SLC22A2: variants seen among roughly 807,000 people sequenced by gnomAD.
SLC22A2 encodes the protein organic cation transporter 2.
A neutral mutation model predicts 60.5 loss-of-function variants in SLC22A2; 46 were observed. The ratio of observed to expected loss-of-function variants is 0.76; its 90% confidence interval spans 0.60 to 0.97. The LOEUF is 0.97. Among genes scored for constraint, SLC22A2 ranks in the 50% least tolerant of loss-of-function variants. The pLI is 0.00. For synonymous variants in SLC22A2, 303 were observed against 267.0 expected, an observed-to-expected ratio of 1.13 and a Z score of -1.31; for missense variants, 701 against 706.6, an observed-to-expected ratio of 0.99 and a Z score of 0.09.
chr6:160,242,529 T>C (rs1452264710), intron 7 of SLC22A2, 127 bp from the exon 8 acceptor site: 1 of 654,196 alleles, frequency 1.5e-6, no homozygotes, highest in African/African-American at 1.8e-5. Flanking sequence ...AAATGACTTC[T>C]TCTATAGGCT....
intron 9 of SLC22A2, among the ~76,000 whole-genome samples, chr6:160,232,583 A>AG (rs1782842264): frequency 6.6e-6 from 1 of 151,182 alleles, no homozygotes; most frequent in Admixed American, 6.6e-5. Context: ...TAAAAAAAAA[A>AG]CATTTCTCAA....
intron 9 of SLC22A2, among the ~76,000 whole-genome samples, chr6:160,225,028 T>C (rs1253416455): frequency 6.6e-6 from 1 of 152,166 alleles, no homozygotes; most frequent in Non-Finnish European, 1.5e-5. Context: ...TACTTAACAT[T>C]TTGAGTCAAG....
intron 9 of SLC22A2, among the ~76,000 whole-genome samples, chr6:160,241,022 T>C (rs1782989005): frequency 1.4e-5 from 2 of 146,704 alleles, no homozygotes. Flanking sequence ...TTTTGCAAAA[T>C]TTTAACCCCC....
intron 10 of SLC22A2, among the ~76,000 whole-genome samples, chr6:160,220,501 C>T (rs1373686910): frequency 6.6e-6 from 1 of 152,202 alleles, no homozygotes. Context: ...TAATGATCCA[C>T]AAATGTTCTT....
Position 160,217,124 on chromosome 6 carries a change from A to G in SLC22A2, c.*308T>C, listed in dbSNP as rs1060118. ...CAGTTCCCCTATGTATTCTGGTTAG[A>G]TAGCATTGCAAAGAAAAGAATCAAA... On this transcript the variant is annotated 3_prime_UTR_variant, in exon 11 of 11. Coordinates refer to ENST00000366953, the MANE Select transcript of SLC22A2 (RefSeq NM_003058.4). 4.2e-6 allele frequency: 1 copy of G among 236,400 alleles called. No individual in the cohort carries two copies. The highest frequency in any genetic ancestry group is 8.1e-6 in the Non-Finnish European group (1 of 123,980). The allele number at this position is 236,400 out of a possible 1,614,324, so 14.6% of individuals were successfully genotyped here. A position where few individuals can be genotyped will look rare whatever the true frequency, so the allele number is the denominator to read the frequency against.
intron 1 of SLC22A2, 128 bp from the exon 2 acceptor site, chr6:160,256,845 G>T: frequency 1.6e-6 from 1 of 623,082 alleles, no homozygotes; most frequent in Non-Finnish European, 2.9e-6. Flanking sequence ...ATAGTTAAGT[G>T]GCAATAAGCC....
At chr6:160,233,436 T>C (rs1371813942) in intron 9 of SLC22A2, among the ~76,000 whole-genome samples, 2 of 151,758 alleles carry the variant, frequency 1.3e-5, no homozygotes, top group African/African-American at 4.9e-5. Flanking sequence ...AAAGGTAAAA[T>C]GGACTAATGG....
In SLC22A2 at chr6:160,234,236, C is replaced by T. The variant is rs374711965; in HGVS notation, c.1501+7238G>A. Among the ~76,000 whole-genome samples the T allele has an allele frequency of 2.6e-5, 4 of 152,192 alleles. No individual in the cohort carries two copies. In the East Asian group the frequency reaches 7.7e-4, roughly 29 times the overall value. The stretch of plus-strand genomic sequence containing the variant: ...TCCTTTCACTGACTCTCTTTTCGGA[C>T]TCAGCCTGCCTGCACCCAGGTGAAA... On this transcript the variant is annotated intron_variant, in intron 9 of 10. Transcript: ENST00000366953.
At chr6:160,237,396 T>C (rs1478710720) in intron 9 of SLC22A2, among the ~76,000 whole-genome samples, 2 of 152,190 alleles carry the variant, frequency 1.3e-5, no homozygotes, top group Admixed American at 6.5e-5. Flanking sequence ...CAAAGGGTTG[T>C]GCAGGATAAG....
At position 160,250,532 on chromosome 6, in the gene SLC22A2, G is replaced by C; in HGVS notation, c.673+16C>G. Reference sequence around the variant, plus strand: ...GGTTGCTTTGTTCTCACAGTTGCAAGCACAAACATTCTTACTCAGGATGTA... The same window carrying C: ...GGTTGCTTTGTTCTCACAGTTGCAACCACAAACATTCTTACTCAGGATGTA... On this transcript the variant is annotated intron_variant, in intron 3 of 10. Coordinates refer to ENST00000366953, the MANE Select transcript of SLC22A2 (RefSeq NM_003058.4). The C allele has an allele frequency of 8.1e-6, 13 of 1,613,700 alleles. No homozygotes were observed. Among genetic ancestry groups the C allele is most frequent in the Non-Finnish European group, 1.0e-5 (12 of 1,179,676 alleles).
In SLC22A2 at chr6:160,241,413, AGAAGT is replaced by A. The variant is rs1782998374; in HGVS notation, c.1501+56_1501+60del. ...ACACCTGTTTTGAATGAAGTAGAAGAGAAGTGAAGGTCTCTAGAAAAATAAGTTTT... is the reference window on the plus strand; with the variant it reads ...ACACCTGTTTTGAATGAAGTAGAAGAGAAGGTCTCTAGAAAAATAAGTTTT... On this transcript the variant is annotated intron_variant, in intron 9 of 10. Transcript: ENST00000366953. 3.9e-6 allele frequency: 4 copies of A among 1,017,370 alleles called. No homozygotes were observed. The African/African-American group carries it at 4.7e-5, about 12-fold the overall frequency. 63.0% of individuals were successfully genotyped at this position (1,017,370 alleles called of 1,614,324 possible). A position where few individuals can be genotyped will look rare whatever the true frequency, so the allele number is the denominator to read the frequency against.
At chr6:160,223,970 T>G in intron 10 of SLC22A2, among the ~76,000 whole-genome samples, 1 of 152,158 alleles carries the variant, frequency 6.6e-6, no homozygotes, top group East Asian at 1.9e-4. Flanking sequence ...GACCTTGTGA[T>G]CCACCCGCCT....
chr6:160,245,715 T>TC (rs1243657430), intron 5 of SLC22A2, among the ~76,000 whole-genome samples, 170 bp from the exon 6 acceptor site: 3 of 149,738 alleles, frequency 2.0e-5, no homozygotes, highest in Non-Finnish European at 4.4e-5. Flanking sequence ...TTTTTTTTTT[T>TC]TGAGACTGAA....
intron 3 of SLC22A2, among the ~76,000 whole-genome samples, chr6:160,250,006 T>C (rs1194861577): frequency 6.6e-6 from 1 of 152,222 alleles, no homozygotes. Flanking sequence ...TATTCTCTTA[T>C]AGTATATGGA....
chr6:160,241,454 C>T lies in SLC22A2; in HGVS notation c.1501+20G>A, dbSNP rs1215408433. Reference sequence around the variant, plus strand: ...AGAAAAATAAGTTTTCACTTAAAGACATCTGTGAAGATTTCTTACCGAAAA... The same window carrying T: ...AGAAAAATAAGTTTTCACTTAAAGATATCTGTGAAGATTTCTTACCGAAAA... On this transcript the variant is annotated intron_variant, in intron 9 of 10. Transcript: ENST00000366953. 4 of 1,501,358 alleles carry T rather than the reference C, an allele frequency of 2.7e-6. No individual in the cohort carries two copies. Among genetic ancestry groups the T allele is most frequent in the Non-Finnish European group, 3.7e-6 (4 of 1,077,598 alleles). The allele number at this position is 1,501,358 out of a possible 1,614,324, so 93.0% of individuals were successfully genotyped here.
intron 9 of SLC22A2, among the ~76,000 whole-genome samples, chr6:160,231,662 C>T (rs963812170): frequency 1.3e-5 from 2 of 151,944 alleles, no homozygotes; most frequent in Middle Eastern, 3.4e-3. Context: ...ATTGTTTTGC[C>T]TATCCACCCC....
At chr6:160,245,045 C>T (rs1368584818) in intron 6 of SLC22A2, 1 of 153,658 alleles carries the variant, frequency 6.5e-6, no homozygotes, top group African/African-American at 2.4e-5. Context: ...TAGAGATCTA[C>T]ATGCATCATC....
chr6:160,242,030 C>T (rs1037607075), intron 8 of SLC22A2, among the ~76,000 whole-genome samples: 3 of 152,040 alleles, frequency 2.0e-5, no homozygotes, highest in Non-Finnish European at 4.4e-5. Flanking sequence ...CCTGTTTGTG[C>T]TGTTCCACAA....
At chr6:160,238,445 C>T (rs1298164881) in intron 9 of SLC22A2, among the ~76,000 whole-genome samples, 1 of 152,206 alleles carries the variant, frequency 6.6e-6, no homozygotes, top group Non-Finnish European at 1.5e-5. Context: ...ATGAATACAA[C>T]TGATTAATAA....
Sources: allele counts gnomAD v4.1 joint callset (sites outside exome capture counted in the v4.1 genomes callset), GRCh38; gene constraint gnomAD v4.1.1; transcripts MANE v1.5; gene names NCBI Gene and HGNC (gene_info 2026-07-23, HGNC 2026-07-21).